PRKAG2: variants seen among roughly 807,000 people sequenced by gnomAD.
PRKAG2 encodes the protein protein kinase AMP-activated non-catalytic subunit gamma 2, also known as 5'-AMP-activated protein kinase subunit gamma-2.
Under a neutral mutation model 69.6 loss-of-function variants are expected in PRKAG2, and 26 were observed. The ratio of observed to expected loss-of-function variants is 0.37; its 90% confidence interval spans 0.27 to 0.52. PRKAG2 has a LOEUF of 0.52. PRKAG2 is among the 20% of genes least tolerant of loss of function. The pLI, the probability that PRKAG2 is intolerant of heterozygous loss-of-function variation, is 0.90. For missense variants in PRKAG2, 557 were observed against 740.0 expected (o/e 0.75, Z 2.87); for synonymous variants, 293 against 285.0 (o/e 1.03, Z -0.28).
rs73728440 is a variant in PRKAG2, at chr7:151,872,985, G to T, written c.114+3522C>A. ...AATCTGGGATTTCACATCAACAATG[G>T]ATACTTTTTAGTATTTCCCAAATAT... On this transcript the variant is annotated intron_variant, in intron 1 of 15. Transcript: ENST00000287878. Among the ~76,000 whole-genome samples the T allele has an allele frequency of 8.6e-3, 1,310 of 152,330 alleles. 19 individuals carry two copies. Among genetic ancestry groups the T allele is most frequent in the African/African-American group, 0.03 (1,248 of 41,558 alleles).
rs114917139 is a variant in PRKAG2, at chr7:151,784,926, A to G, written c.186+1544T>C. 8.6e-3 allele frequency among the ~76,000 whole-genome samples: 1,305 copies of G among 152,300 alleles called. 21 individuals carry two copies. The highest frequency in any genetic ancestry group is 0.029 in the African/African-American group (1,225 of 41,560). On this transcript the variant is annotated intron_variant, in intron 2 of 15. Coordinates refer to ENST00000287878, the MANE Select transcript of PRKAG2 (RefSeq NM_016203.4). ...CTTGGGGGCCAGATCACACTCCCAG[A>G]CGGTGGGAAAGCCAGGCGGAGGGAC...
intron 4 of PRKAG2, among the ~76,000 whole-genome samples, chr7:151,649,007 T>C (rs1230132653): frequency 6.6e-6 from 1 of 152,200 alleles, no homozygotes; most frequent in Non-Finnish European, 1.5e-5. Flanking sequence ...TCATATGGGA[T>C]ATGAGTTAAA....
At chr7:151,735,072 T>G (rs1586166709) in intron 3 of PRKAG2, among the ~76,000 whole-genome samples, 1 of 152,054 alleles carries the variant, frequency 6.6e-6, no homozygotes, top group South Asian at 2.1e-4. Flanking sequence ...GCCAGGCTGG[T>G]CTCGAACTCC....
In PRKAG2 at chr7:151,781,287, G is replaced by C. The variant is rs778331706; in HGVS notation, c.331C>G (p.Gln111Glu). ...SPKTVFPFSY[Q>E]ESPPRSPRRM... ...CGAGGGGAGCGTGGCGGGGACTCCTGGTAGGAGAACGGGAACACGGTTTTG... is the reference window on the plus strand; with the variant it reads ...CGAGGGGAGCGTGGCGGGGACTCCTCGTAGGAGAACGGGAACACGGTTTTG... The change falls in exon 3 of 16, where the codon CAG becomes GAG. Residue 111 changes from glutamine to glutamate, a missense_variant. Physicochemically the swap from Gln to Glu is conservative, Grantham distance 29 (BLOSUM62 2). This residue lies in a region of PRKAG2 where 352 missense variants were observed against 356.7 expected (regional missense o/e 0.99). Transcript: ENST00000287878. This position sits in a 1 kb window ranked among gnomAD's most constrained non-coding sequence, Gnocchi z 6.1. 3 of 1,614,130 alleles carry C rather than the reference G, an allele frequency of 1.9e-6. No individual in the cohort carries two copies. Among genetic ancestry groups the C allele is most frequent in the Non-Finnish European group, 2.5e-6 (3 of 1,180,044 alleles).
Position 151,610,129 on chromosome 7 carries a change from G to T in PRKAG2, c.755-14675C>A, listed in dbSNP as rs965771487. 7.2e-5 allele frequency among the ~76,000 whole-genome samples: 11 copies of T among 152,020 alleles called. No homozygotes were observed. The East Asian group carries it at 2.1e-3, about 29-fold the overall frequency. ...ATCTGTAATCCCAGCACTTTCGGAG[G>T]CCGAGGTGGGCGGAACACGAGGTCA... On this transcript the variant is annotated intron_variant, in intron 5 of 15. Transcript: ENST00000287878.
intron 1 of PRKAG2, among the ~76,000 whole-genome samples, chr7:151,869,189 C>A (rs1586752565): frequency 6.6e-6 from 1 of 152,168 alleles, no homozygotes; most frequent in African/African-American, 2.4e-5. Flanking sequence ...TCGATTGAAC[C>A]CACCAACTCT....
In PRKAG2 at chr7:151,559,950, C is replaced by T. The variant is rs141296078; in HGVS notation, c.1678+574G>A. 1,281 of 985,346 alleles carry T rather than the reference C, an allele frequency of 1.3e-3. 20 individuals carry two copies. In the African/African-American group the frequency reaches 0.021, roughly 16 times the overall value. The allele number at this position is 985,346 out of a possible 1,614,324, so 61.0% of individuals were successfully genotyped here. On this transcript the variant is annotated intron_variant, in intron 15 of 15. Coordinates refer to ENST00000287878, the MANE Select transcript of PRKAG2 (RefSeq NM_016203.4). ...GAAGGCCAGCTCCTCTTGTCTAAAG[C>T]CCTCTCCCGTTCTCTCTGCTCCTCA...
intron 1 of PRKAG2, among the ~76,000 whole-genome samples, chr7:151,862,097 C>T (rs1239592775): frequency 6.6e-6 from 1 of 152,078 alleles, no homozygotes; most frequent in East Asian, 1.9e-4. Flanking sequence ...GCATCTGGCC[C>T]CCGGGCTCTG....
intron 6 of PRKAG2, among the ~76,000 whole-genome samples, chr7:151,592,880 C>T (rs1435831908): frequency 1.3e-5 from 2 of 152,064 alleles, no homozygotes; most frequent in Non-Finnish European, 2.9e-5. Flanking sequence ...CTCAAATCAC[C>T]CCTTTTCAAA....
intron 4 of PRKAG2, among the ~76,000 whole-genome samples, chr7:151,668,148 A>C (rs1032486164): frequency 1.3e-5 from 2 of 152,168 alleles, no homozygotes; most frequent in African/African-American, 4.8e-5. Flanking sequence ...ACAGGAATGG[A>C]TTAGTTCCCT....
chr7:151,875,826 G>A (rs2080383959), intron 1 of PRKAG2, among the ~76,000 whole-genome samples: 1 of 152,090 alleles, frequency 6.6e-6, no homozygotes, highest in Non-Finnish European at 1.5e-5. Context: ...CCTCCCGGGC[G>A]GCTGGCGCGG....
In PRKAG2 at chr7:151,680,131, TGTGGTGCCTATCTA is replaced by T. The variant is rs1172276158; in HGVS notation, c.467-4508_467-4495del. On this transcript the variant is annotated intron_variant, in intron 3 of 15. Coordinates refer to ENST00000287878, the MANE Select transcript of PRKAG2 (RefSeq NM_016203.4). ...AAAGGCCCAGAGGAAACAGGTACTC[TGTGGTGCCTATCTA>T]GGCACCACTGATCAAAACCACAAAC... Among the ~76,000 whole-genome samples, 4 of 152,318 alleles carry T rather than the reference TGTGGTGCCTATCTA, an allele frequency of 2.6e-5. No homozygotes were observed. In the East Asian group the frequency reaches 7.7e-4, roughly 29 times the overall value.
chr7:151,576,559 G>A (rs1249659070), intron 6 of PRKAG2, 107 bp from the exon 7 acceptor site: 2 of 990,094 alleles, frequency 2.0e-6, no homozygotes, highest in East Asian at 5.3e-5. Context: ...GGAGTGCAGT[G>A]GCACCATCTT....
intron 2 of PRKAG2, among the ~76,000 whole-genome samples, chr7:151,785,725 C>T (rs1436112911): frequency 6.6e-6 from 1 of 152,190 alleles, no homozygotes; most frequent in Non-Finnish European, 1.5e-5. Flanking sequence ...CCAGGAAGCA[C>T]GTCCCCTACC....
chr7:151,611,250 A>G (rs1818768741), intron 5 of PRKAG2, among the ~76,000 whole-genome samples: 1 of 152,198 alleles, frequency 6.6e-6, no homozygotes, highest in South Asian at 2.1e-4. Context: ...CGGAGTGCTG[A>G]TCGATGGTTA....
At chr7:151,599,367 T>C (rs1242213161) in intron 5 of PRKAG2, among the ~76,000 whole-genome samples, 1 of 152,072 alleles carries the variant, frequency 6.6e-6, no homozygotes, top group African/African-American at 2.4e-5. Context: ...GGCCACCCCC[T>C]ACATATCCTA....
At chr7:151,845,536 G>T (rs542616900) in intron 1 of PRKAG2, among the ~76,000 whole-genome samples, 1 of 152,176 alleles carries the variant, frequency 6.6e-6, no homozygotes, top group African/African-American at 2.4e-5. Context: ...TATTGTTGAG[G>T]AGGGAGGAAG....
At chr7:151,628,832 T>C (rs1205628077) in intron 5 of PRKAG2, among the ~76,000 whole-genome samples, 1 of 152,106 alleles carries the variant, frequency 6.6e-6, no homozygotes, top group Non-Finnish European at 1.5e-5. Flanking sequence ...TGCTGAGAAC[T>C]TGCTATGTGC....
Position 151,595,413 on chromosome 7 carries a change from T to G in PRKAG2, c.796A>C (p.Arg266=). The change falls in exon 6 of 16, where the codon AGG becomes CGG. Residue 266 remains arginine (R), a synonymous_variant. Coordinates refer to ENST00000287878, the MANE Select transcript of PRKAG2 (RefSeq NM_016203.4). ...SESGVYMRFM[R]SHKCYDIVPT... ...ACGATGTCATAACACTTGTGTGACC[T>G]CATGAATCGCATGTAAACACCACTT... 6.2e-7 allele frequency: 1 copy of G among 1,614,070 alleles called. No homozygotes were observed. The highest frequency in any genetic ancestry group is 8.5e-7 in the Non-Finnish European group (1 of 1,180,012).
Sources: gnomAD v4.1 joint callset for allele counts (sites outside exome capture counted in the v4.1 genomes callset) on GRCh38, gnomAD v4.1.1 for gene constraint, gnomAD v4.1.1 regional missense constraint, Gnocchi (gnomAD v3.1) non-coding constraint, MANE v1.5 for transcripts, NCBI Gene and HGNC (gene_info 2026-07-23, HGNC 2026-07-21) for gene names.